Variants in GRK5 observed in about 807,000 individuals in gnomAD.
GRK5 encodes g protein-coupled receptor kinase GRK5.
A neutral mutation model predicts 78.4 loss-of-function variants in GRK5; 40 were observed. That is an observed-to-expected ratio of 0.51 (90% CI 0.40 to 0.66). The LOEUF (loss-of-function observed/expected upper bound fraction) is 0.66, where lower values mean the gene tolerates loss of function less well. Ranked by LOEUF, GRK5 falls within the 30% of genes least tolerant of loss-of-function variation. The probability of loss-of-function intolerance (pLI) is 0.00; values close to 1 mark genes in which losing one functional copy is unlikely to be tolerated. For synonymous variants in GRK5, 289 were observed against 296.8 expected, an observed-to-expected ratio of 0.97 and a Z score of 0.27; for missense variants, 598 against 759.9, an observed-to-expected ratio of 0.79 and a Z score of 2.50.
intron 4 of GRK5, among the ~76,000 whole-genome samples, chr10:119,399,242 T>C (rs1028847699): frequency 4.6e-5 from 7 of 152,194 alleles, no homozygotes; most frequent in Non-Finnish European, 7.4e-5. Flanking sequence ...GGGGAGGTGG[T>C]TGATCCATGC....
intron 2 of GRK5, among the ~76,000 whole-genome samples, chr10:119,350,241 G>C (rs1220774160): frequency 2.0e-5 from 3 of 152,242 alleles, no homozygotes; most frequent in Non-Finnish European, 4.4e-5. Flanking sequence ...CTGGTCCCAA[G>C]CAGCTACCGC....
intron 9 of GRK5, 76 bp from the exon 10 acceptor site, chr10:119,439,655 G>T: frequency 7.0e-7 from 1 of 1,437,320 alleles, no homozygotes; most frequent in South Asian, 1.1e-5. Flanking sequence ...ATTAGCCCGA[G>T]GGGTCGACCC....
Position 119,455,341 on chromosome 10 carries a change from T to C in GRK5, c.*274T>C. The C allele has an allele frequency of 1.6e-6, 1 of 641,714 alleles. No individual in the cohort carries two copies. Among genetic ancestry groups the C allele is most frequent in the Non-Finnish European group, 2.9e-6 (1 of 350,200 alleles). The allele number at this position is 641,714 out of a possible 1,614,324, so 39.8% of individuals were successfully genotyped here. On this transcript the variant is annotated 3_prime_UTR_variant, in exon 16 of 16. Coordinates refer to ENST00000392870, the MANE Select transcript of GRK5 (RefSeq NM_005308.3). ...CCAATTGGATACGACAACTTGCACG[T>C]ATTTTAATAGCGTCATAACTAGAAC...
rs1023228079 is a variant in GRK5 at position 119,457,880 on chromosome 10, G to C, written c.*2813G>C. On this transcript the variant is annotated 3_prime_UTR_variant, in exon 16 of 16. Transcript: ENST00000392870. ...TTTTAAAATTTTTTGTAGAGATGGG[G>C]GGGGGGTCTCCCCATGTTGCCCAGG... 6.6e-6 allele frequency: 1 copy of C among 151,008 alleles called. No individual in the cohort carries two copies. The highest frequency in any genetic ancestry group is 2.4e-5 in the African/African-American group (1 of 41,082). 9.4% of individuals were successfully genotyped at this position (151,008 alleles called of 1,614,324 possible).
chr10:119,273,539 C>T lies in GRK5; in HGVS notation c.53-52977C>T, dbSNP rs182918315. On this transcript the variant is annotated intron_variant, in intron 1 of 15. Coordinates refer to ENST00000392870, the MANE Select transcript of GRK5 (RefSeq NM_005308.3). ...GCTCCAGCCCAGGCTTTCTCAAGCC[C>T]TCCCAAGGTGCTGAGACATTTGGCA... 2.9e-4 allele frequency among the ~76,000 whole-genome samples: 44 copies of T among 152,332 alleles called. No individual in the cohort carries two copies. The East Asian group carries it at 7.9e-3, about 27-fold the overall frequency.
chr10:119,387,155 C>T (rs1316385175), intron 3 of GRK5, among the ~76,000 whole-genome samples: 3 of 152,170 alleles, frequency 2.0e-5, no homozygotes, highest in African/African-American at 7.2e-5. Flanking sequence ...CAGGTGCGCA[C>T]CACCACACCC....
At chr10:119,317,964 CCA>C (rs1212817748) in intron 1 of GRK5, among the ~76,000 whole-genome samples, 1 of 152,008 alleles carries the variant, frequency 6.6e-6, no homozygotes, top group Non-Finnish European at 1.5e-5. Context: ...TGGCCCATCC[CCA>C]GAGTGTCTGA....
intron 2 of GRK5, among the ~76,000 whole-genome samples, chr10:119,346,478 T>C (rs893694274): frequency 6.6e-6 from 1 of 152,232 alleles, no homozygotes. Flanking sequence ...GCCAGGTTTA[T>C]AGAGATTAAA....
At chr10:119,377,023 G>A (rs760441836) in intron 2 of GRK5, among the ~76,000 whole-genome samples, 2 of 152,198 alleles carry the variant, frequency 1.3e-5, no homozygotes, top group Non-Finnish European at 2.9e-5. Flanking sequence ...CAGTGTGTGT[G>A]TGCCTGTGTG....
intron 1 of GRK5, among the ~76,000 whole-genome samples, chr10:119,273,256 A>G (rs897855248): frequency 4.6e-5 from 7 of 152,116 alleles, no homozygotes; most frequent in Admixed American, 3.3e-4. Context: ...AGATGTGTCC[A>G]CTGGCACCTG....
chr10:119,259,335 A>G (rs571152194), intron 1 of GRK5, among the ~76,000 whole-genome samples: 1 of 152,168 alleles, frequency 6.6e-6, no homozygotes, highest in East Asian at 1.9e-4. Flanking sequence ...AAGTGCTGGG[A>G]TTACAGGCGT....
At chr10:119,330,378 A>AGG (rs1313466454) in intron 2 of GRK5, 1 of 76,290 alleles carries the variant, frequency 1.3e-5, no homozygotes, top group East Asian at 4.0e-4. Flanking sequence ...GGAGGGAGGG[A>AGG]GGGAGAGAGA....
chr10:119,241,914 G>A (rs1231962676), intron 1 of GRK5, among the ~76,000 whole-genome samples: 1 of 152,128 alleles, frequency 6.6e-6, no homozygotes, highest in African/African-American at 2.4e-5. Flanking sequence ...TACCATCTTA[G>A]GCTAAAAAAG....
chr10:119,238,959 T>C lies in GRK5; in HGVS notation c.52+30990T>C, dbSNP rs1848976319. 6.6e-6 allele frequency among the ~76,000 whole-genome samples: 1 copy of C among 152,110 alleles called. No homozygotes were observed. Among genetic ancestry groups the C allele is most frequent in the African/African-American group, 2.4e-5 (1 of 41,432 alleles). ...AAAGGGGGTGTTGAAGCCAAGGCAT[T>C]AGAGAAACGTGATTTTTCATTTAAT... On this transcript the variant is annotated intron_variant, in intron 1 of 15. Coordinates refer to ENST00000392870, the MANE Select transcript of GRK5 (RefSeq NM_005308.3). The surrounding 1 kb of genome is among the most constrained non-coding windows in gnomAD (Gnocchi z 4.7).
At chr10:119,345,912 C>T (rs1851082155) in intron 2 of GRK5, among the ~76,000 whole-genome samples, 1 of 151,650 alleles carries the variant, frequency 6.6e-6, no homozygotes, top group Non-Finnish European at 1.5e-5. Flanking sequence ...GTCTTTGGTA[C>T]AGCTGCATCC....
chr10:119,426,712 C>G (rs1852683704), intron 6 of GRK5, among the ~76,000 whole-genome samples: 1 of 151,642 alleles, frequency 6.6e-6, no homozygotes, highest in African/African-American at 2.4e-5. Context: ...ATCACTGCAT[C>G]AATATCCCAC....
intron 1 of GRK5, among the ~76,000 whole-genome samples, chr10:119,278,576 G>A (rs1849705672): frequency 6.6e-6 from 1 of 152,084 alleles, no homozygotes; most frequent in African/African-American, 2.4e-5. Flanking sequence ...GCCTGGGATC[G>A]GATGTCCAGA....
At chr10:119,234,398 A>G (rs181661721) in intron 1 of GRK5, among the ~76,000 whole-genome samples, 1 of 152,330 alleles carries the variant, frequency 6.6e-6, no homozygotes, top group African/African-American at 2.4e-5. Context: ...TTCTGCCACA[A>G]ACCTATGAGG....
chr10:119,230,261 G>C (rs1848803859), intron 1 of GRK5, among the ~76,000 whole-genome samples: 1 of 152,108 alleles, frequency 6.6e-6, no homozygotes, highest in Non-Finnish European at 1.5e-5. Flanking sequence ...CAAAGTGGGA[G>C]GATTACTTGA....
Sources: gnomAD v4.1 joint callset for allele counts (sites outside exome capture counted in the v4.1 genomes callset) on GRCh38, gnomAD v4.1.1 for gene constraint, Gnocchi (gnomAD v3.1) non-coding constraint, MANE v1.5 for transcripts, NCBI Gene and HGNC (gene_info 2026-07-23, HGNC 2026-07-21) for gene names.